The following ESRRG variants were observed in gnomAD, a reference collection of about 807,000 sequenced individuals.
ESRRG encodes the protein estrogen-related receptor gamma.
In ESRRG, 13 loss-of-function variants were observed where a neutral mutation model predicts 44.0. That is an observed-to-expected ratio of 0.30 (90% CI 0.19 to 0.47). The LOEUF (loss-of-function observed/expected upper bound fraction) is 0.47, where lower values mean the gene tolerates loss of function less well. Ranked by LOEUF, ESRRG falls within the 20% of genes least tolerant of loss-of-function variation. ESRRG has a pLI of 1.00. For synonymous variants in ESRRG, 215 were observed against 214.6 expected (o/e 1.00, Z -0.02); for missense variants, 395 against 580.6 (o/e 0.68, Z 3.29).
At chr1:216,879,549 C>T (rs564679489) in intron 2 of ESRRG, among the ~76,000 whole-genome samples, 5 of 151,180 alleles carry the variant, frequency 3.3e-5, no homozygotes, top group South Asian at 4.2e-4. Flanking sequence ...CCAGCTGCCA[C>T]GATGCTGCAT....
At chr1:216,654,959 A>C (rs1018014206) in intron 2 of ESRRG, among the ~76,000 whole-genome samples, 14 of 152,234 alleles carry the variant, frequency 9.2e-5, no homozygotes, top group African/African-American at 2.9e-4. Flanking sequence ...TAGTAGCTAA[A>C]TCTATGAATG....
chr1:216,744,708 T>A (rs1382315961), intron 2 of ESRRG, among the ~76,000 whole-genome samples: 1 of 152,182 alleles, frequency 6.6e-6, no homozygotes, highest in Non-Finnish European at 1.5e-5. Flanking sequence ...CTATGAGTAG[T>A]CTCTTTTTGG....
In ESRRG at chr1:216,793,187, A is replaced by G. The variant is rs575272260; in HGVS notation, c.-13-115696T>C. ...CATGCTTCTTTGTTGCTAATCTTGG[A>G]CACTGAGCAGGTCAGTATTTGGATG... On this transcript the variant is annotated intron_variant, in intron 2 of 7. Coordinates refer to the ESRRG transcript ENST00000359162. Among the ~76,000 whole-genome samples the G allele has an allele frequency of 7.2e-5, 11 of 152,250 alleles. No homozygotes were observed. In the South Asian group the frequency reaches 2.3e-3, roughly 32 times the overall value.
rs891434347 is a variant in ESRRG, at chr1:216,737,949, T to C, written c.-13-60458A>G. Among the ~76,000 whole-genome samples the C allele has an allele frequency of 2.7e-5, 4 of 150,788 alleles. No individual in the cohort carries two copies. In the East Asian group the frequency reaches 7.8e-4, roughly 29 times the overall value. On this transcript the variant is annotated intron_variant, in intron 2 of 7. Coordinates refer to the ESRRG transcript ENST00000359162. Reference sequence around the variant, plus strand: ...CTTGTGTTAGATGCCAATCACTAAATGCAAGTGACTTCCAGACCTTCACTA... The same window carrying C: ...CTTGTGTTAGATGCCAATCACTAAACGCAAGTGACTTCCAGACCTTCACTA...
intron 2 of ESRRG, among the ~76,000 whole-genome samples, chr1:216,674,437 G>A (rs953683178): frequency 1.3e-5 from 2 of 152,100 alleles, no homozygotes; most frequent in African/African-American, 4.8e-5. Flanking sequence ...TAGCAACGAT[G>A]AGCCAGAAAT....
intron 3 of ESRRG, among the ~76,000 whole-genome samples, chr1:216,630,038 C>A (rs1476092199): frequency 1.3e-5 from 2 of 152,172 alleles, no homozygotes; most frequent in Admixed American, 1.3e-4. Context: ...ACTTTTGACA[C>A]CACCATTTTA....
chr1:216,876,203 T>TA lies in ESRRG; in HGVS notation c.-14+63378_-14+63379insT, dbSNP rs869098976. On this transcript the variant is annotated intron_variant, in intron 2 of 7. Transcript: ENST00000359162. ...ATTAAAATATTATTTTCTGATAAGA[T>TA]TTTTTTAACTGCAAGTGCTCCAACC... Among the ~76,000 whole-genome samples the TA allele has an allele frequency of 1.8e-4, 8 of 43,450 alleles. No individual in the cohort carries two copies. In the African/African-American group the frequency reaches 4.6e-3, roughly 25 times the overall value. The allele number at this position is 43,450 out of a possible 152,430, so 28.5% of individuals were successfully genotyped here.
intron 2 of ESRRG, among the ~76,000 whole-genome samples, chr1:216,786,332 A>C (rs1283931661): frequency 6.6e-6 from 1 of 152,146 alleles, no homozygotes; most frequent in Non-Finnish European, 1.5e-5. Context: ...AATATAATGG[A>C]ATATGATCTC....
intron 3 of ESRRG, among the ~76,000 whole-genome samples, chr1:216,588,640 A>C (rs1034148919): frequency 6.6e-6 from 1 of 152,228 alleles, no homozygotes; most frequent in African/African-American, 2.4e-5. Flanking sequence ...TCTCTGCTTT[A>C]TAGGCTCAGA....
At chr1:217,005,322 G>A (rs1039570459) in intron 1 of ESRRG, among the ~76,000 whole-genome samples, 3 of 152,132 alleles carry the variant, frequency 2.0e-5, no homozygotes, top group African/African-American at 7.2e-5. Context: ...CTAAATAGTG[G>A]CATAAGCTGG....
chr1:216,644,256 C>T (rs1191398592), intron 3 of ESRRG, among the ~76,000 whole-genome samples: 2 of 152,104 alleles, frequency 1.3e-5, no homozygotes, highest in Non-Finnish European at 2.9e-5. Context: ...TCAACCTCTG[C>T]TTTTACTTCA....
chr1:216,563,793 T>C (rs961184439), intron 5 of ESRRG, among the ~76,000 whole-genome samples: 5 of 152,162 alleles, frequency 3.3e-5, no homozygotes, highest in African/African-American at 1.2e-4. Context: ...TGACCAGCAA[T>C]AGGATATAAC....
At chr1:216,540,922 A>G (rs2052510420) in intron 5 of ESRRG, among the ~76,000 whole-genome samples, 1 of 151,984 alleles carries the variant, frequency 6.6e-6, no homozygotes, top group South Asian at 2.1e-4. Context: ...CCTTCTGAAA[A>G]CAGGCAGTTT....
chr1:217,039,609 G>C (rs927881689), intron 1 of ESRRG, among the ~76,000 whole-genome samples: 10 of 152,126 alleles, frequency 6.6e-5, no homozygotes, highest in African/African-American at 2.2e-4. Context: ...TCTCCCACTA[G>C]CTCCTTCCCA....
At chr1:216,705,592 T>G (rs1266376895) in intron 1 of ESRRG, among the ~76,000 whole-genome samples, 1 of 152,312 alleles carries the variant, frequency 6.6e-6, no homozygotes, top group South Asian at 2.1e-4. Context: ...ATAAAACTCA[T>G]TGGTTTGTAA....
At chr1:216,638,556 T>C (rs1450456396) in intron 3 of ESRRG, among the ~76,000 whole-genome samples, 2 of 152,218 alleles carry the variant, frequency 1.3e-5, no homozygotes, top group African/African-American at 4.8e-5. Flanking sequence ...TTATGCTCTA[T>C]TTCCCTCTGT....
intron 1 of ESRRG, among the ~76,000 whole-genome samples, chr1:216,994,880 C>T (rs757731183): frequency 2.6e-5 from 4 of 152,154 alleles, no homozygotes; most frequent in Non-Finnish European, 4.4e-5. Context: ...CCACCGTGCC[C>T]GGCCCCGTCC....
At chr1:216,543,783 T>C (rs746366918) in intron 5 of ESRRG, among the ~76,000 whole-genome samples, 4 of 152,018 alleles carry the variant, frequency 2.6e-5, no homozygotes, top group Non-Finnish European at 4.4e-5. Flanking sequence ...TAATGACAAG[T>C]AGAAGTTACT....
At position 216,592,506 on chromosome 1, in the gene ESRRG, T is replaced by C. The variant is rs184533657; in HGVS notation, c.590-24408A>G. Among the ~76,000 whole-genome samples, 10 of 152,144 alleles carry C rather than the reference T, an allele frequency of 6.6e-5. No homozygotes were observed. The East Asian group carries it at 9.7e-4, about 15-fold the overall frequency. ...TCAAGATGGTGCTGTCATCTATCTT[T>C]TTTTTTTTCTTCTGGAGATAGAGTC... On this transcript the variant is annotated intron_variant, in intron 3 of 6. Transcript: ENST00000408911.
Sources: allele counts gnomAD v4.1 joint callset (sites outside exome capture counted in the v4.1 genomes callset), GRCh38; gene constraint gnomAD v4.1.1; transcripts MANE v1.5; gene names NCBI Gene and HGNC (gene_info 2026-07-23, HGNC 2026-07-21).